Variants in COL11A1 observed in about 807,000 individuals in gnomAD.
The protein encoded by COL11A1 is collagen type XI alpha 1 chain.
Under a neutral mutation model 265.2 loss-of-function variants are expected in COL11A1, and 74 were observed. The ratio of observed to expected loss-of-function variants is 0.28; its 90% CI spans 0.23 to 0.34. The LOEUF is 0.34. COL11A1 is among the 10% of genes least tolerant of loss of function. The pLI, the probability that COL11A1 is intolerant of heterozygous loss-of-function variation, is 1.00. For missense variants in COL11A1, 2,165 were observed against 2,263.6 expected (o/e 0.96, Z 0.88); for synonymous variants, 816 against 727.6 (o/e 1.12, Z -1.96).
rs535312092 is a variant in COL11A1 at position 102,881,231 on chromosome 1, T to A, written c.5040+466A>T. The stretch of plus-strand genomic sequence containing the variant: ...AAATATCTTTAGAAAATTATTGAAA[T>A]GAACTGGTAATTGTATGGAAATCTT... On this transcript the variant is annotated intron_variant, in intron 65 of 66. Coordinates refer to ENST00000370096, the MANE Select transcript of COL11A1 (RefSeq NM_001854.4). 2.0e-5 allele frequency among the ~76,000 whole-genome samples: 3 copies of A among 152,188 alleles called. No individual in the cohort carries two copies. In the East Asian group the frequency reaches 5.8e-4, roughly 29 times the overall value.
chr1:103,067,946 T>C (rs1671279463), intron 4 of COL11A1, among the ~76,000 whole-genome samples: 1 of 151,560 alleles, frequency 6.6e-6, no homozygotes, highest in Non-Finnish European at 1.5e-5. Context: ...AGAAATTGAA[T>C]ATGTTAAAAC....
At chr1:103,027,650 T>C (rs1182273023) in intron 5 of COL11A1, among the ~76,000 whole-genome samples, 1 of 151,934 alleles carries the variant, frequency 6.6e-6, no homozygotes, top group Non-Finnish European at 1.5e-5. Context: ...GCAAAAGAAC[T>C]GTTGACCACA....
intron 45 of COL11A1, among the ~76,000 whole-genome samples, chr1:102,934,795 T>C (rs1657969929): frequency 6.6e-6 from 1 of 152,236 alleles, no homozygotes; most frequent in Non-Finnish European, 1.5e-5. Context: ...AAGTAAAAGC[T>C]GTCTAATAAC....
At chr1:103,073,521 A>C (rs995424097) in intron 4 of COL11A1, among the ~76,000 whole-genome samples, 4 of 151,844 alleles carry the variant, frequency 2.6e-5, no homozygotes, top group African/African-American at 9.7e-5. Context: ...TACCTGAATC[A>C]GTTTATTATT....
chr1:103,103,491 T>C (rs950696430), intron 1 of COL11A1, among the ~76,000 whole-genome samples: 1 of 151,966 alleles, frequency 6.6e-6, no homozygotes, highest in South Asian at 2.1e-4. Context: ...AGAATACAAA[T>C]GATCAAAAAT....
At chr1:102,892,090 A>G (rs1374548404) in intron 57 of COL11A1, among the ~76,000 whole-genome samples, 2 of 152,142 alleles carry the variant, frequency 1.3e-5, no homozygotes, top group African/African-American at 4.8e-5. Flanking sequence ...GATAACCTAG[A>G]TATGTCACTA....
rs375875771 is a variant in COL11A1, at chr1:103,026,145, C to G, written c.897+71G>C. 10 of 1,239,236 alleles carry G rather than the reference C, an allele frequency of 8.1e-6. No individual in the cohort carries two copies. The African/African-American group carries it at 1.5e-4, about 18-fold the overall frequency. The allele number at this position is 1,239,236 out of a possible 1,614,324, so 76.8% of individuals were successfully genotyped here. A position where few individuals can be genotyped will look rare whatever the true frequency, so the allele number is the denominator to read the frequency against. On this transcript the variant is annotated intron_variant, in intron 6 of 66. Coordinates refer to ENST00000370096, the MANE Select transcript of COL11A1 (RefSeq NM_001854.4). ...AAAGGTTTATGGTAAGTTTGAGGAA[C>G]AGTCAACATAAGGAACCACAGGATG...
At chr1:103,015,525 T>C in intron 12 of COL11A1, 143 bp downstream of exon 12, 1 of 590,224 alleles carries the variant, frequency 1.7e-6, no homozygotes, top group Non-Finnish European at 2.9e-6. Flanking sequence ...TTTCCCTGAA[T>C]TTCCAAATGC....
chr1:103,004,351 A>G lies in COL11A1; in HGVS notation c.1944+93T>C. ...TAGCTTAGCTAAGACTGCAATGTTT[A>G]CCTGGGTTTATCATTGTTTTTATAT... On this transcript the variant is annotated intron_variant, in intron 20 of 66. Coordinates refer to ENST00000370096, the MANE Select transcript of COL11A1 (RefSeq NM_001854.4). The G allele has an allele frequency of 1.6e-5, 15 of 947,828 alleles. No homozygotes were observed. In the South Asian group the frequency reaches 1.9e-4, roughly 12 times the overall value. 58.7% of individuals were successfully genotyped at this position (947,828 alleles called of 1,614,324 possible). A position where few individuals can be genotyped will look rare whatever the true frequency, so the allele number is the denominator to read the frequency against.
chr1:103,087,090 G>A (rs1489385700), intron 1 of COL11A1, among the ~76,000 whole-genome samples: 2 of 152,076 alleles, frequency 1.3e-5, no homozygotes, highest in Non-Finnish European at 2.9e-5. Flanking sequence ...GTAATTTTAT[G>A]GCTAAATATG....
intron 41 of COL11A1, among the ~76,000 whole-genome samples, chr1:102,949,803 T>C (rs1335337066): frequency 1.3e-5 from 2 of 152,188 alleles, no homozygotes; most frequent in Non-Finnish European, 2.9e-5. Flanking sequence ...TACAATGAAT[T>C]GTGCTAAATT....
chr1:102,881,906 A>C, intron 64 of COL11A1, 141 bp from the exon 65 acceptor site: 1 of 673,724 alleles, frequency 1.5e-6, no homozygotes, highest in East Asian at 2.9e-5. Context: ...CACAAATTAG[A>C]TTATACAAAA....
intron 6 of COL11A1, 83 bp from the exon 7 acceptor site, chr1:103,025,696 T>C (rs1190503216): frequency 1.3e-6 from 2 of 1,563,104 alleles, no homozygotes; most frequent in Admixed American, 1.7e-5. Flanking sequence ...TGGGTTATAG[T>C]ATTAGCCAAG....
intron 46 of COL11A1, among the ~76,000 whole-genome samples, chr1:102,926,161 T>C (rs1557829192): frequency 1.3e-5 from 2 of 152,140 alleles, no homozygotes; most frequent in East Asian, 1.9e-4. Flanking sequence ...GGAGACACAA[T>C]GAGTCAAAAT....
At chr1:102,997,459 C>A (rs1557922230) in intron 25 of COL11A1, among the ~76,000 whole-genome samples, 1 of 151,944 alleles carries the variant, frequency 6.6e-6, no homozygotes, top group Non-Finnish European at 1.5e-5. Context: ...GTATTTAAAT[C>A]TGCCTTATAT....
intron 5 of COL11A1, among the ~76,000 whole-genome samples, chr1:103,028,608 C>T (rs1667747076): frequency 6.6e-6 from 1 of 152,028 alleles, no homozygotes; most frequent in African/African-American, 2.4e-5. Context: ...GGAATAATTT[C>T]AACTTTGTCG....
At chr1:103,084,494 T>G (rs1167465581) in intron 1 of COL11A1, among the ~76,000 whole-genome samples, 1 of 151,746 alleles carries the variant, frequency 6.6e-6, no homozygotes, top group African/African-American at 2.4e-5. Flanking sequence ...GATGAATGGA[T>G]TAACCAAAAG....
rs1343857138 is a variant in COL11A1 at position 103,031,342 on chromosome 1, T to G, written c.652-98A>C. 1.5e-5 allele frequency: 22 copies of G among 1,421,522 alleles called. No homozygotes were observed. The East Asian group carries it at 5.5e-4, about 35-fold the overall frequency. The allele number at this position is 1,421,522 out of a possible 1,614,324, so 88.1% of individuals were successfully genotyped here. A position where few individuals can be genotyped will look rare whatever the true frequency, so the allele number is the denominator to read the frequency against. ...GCGAGATGTGGTTTATTTTTAAATA[T>G]TTGAAGAAGAAAAATGACCTACTTA... is the stretch of plus-strand genomic sequence containing the variant. On this transcript the variant is annotated intron_variant, in intron 4 of 66. Coordinates refer to ENST00000370096, the MANE Select transcript of COL11A1 (RefSeq NM_001854.4).
intron 6 of COL11A1, 157 bp from the exon 7 acceptor site, chr1:103,025,770 G>C: frequency 6.2e-7 from 1 of 1,611,268 alleles, no homozygotes. Context: ...GCTTATCTAG[G>C]ATAGATCTTG....
Sources: gnomAD v4.1 joint callset for allele counts (sites outside exome capture counted in the v4.1 genomes callset) on GRCh38, gnomAD v4.1.1 for gene constraint, MANE v1.5 for transcripts, NCBI Gene and HGNC (gene_info 2026-07-23, HGNC 2026-07-21) for gene names.